The following STRN variants were observed in gnomAD, a reference collection of about 807,000 sequenced individuals.
The protein encoded by STRN is striatin.
In STRN, 53 loss-of-function variants were observed where a neutral mutation model predicts 96.3. The ratio of observed to expected loss-of-function variants is 0.55; its 90% CI spans 0.44 to 0.69. The LOEUF (loss-of-function observed/expected upper bound fraction) is 0.69, where lower values mean the gene tolerates loss of function less well. Ranked by LOEUF, STRN falls within the 30% of genes least tolerant of loss-of-function variation. The pLI is 0.00. For synonymous variants in STRN, 428 were observed against 355.9 expected (o/e 1.20, Z -2.28); for missense variants, 987 against 963.9 (o/e 1.02, Z -0.32).
chr2:36,905,563 T>C lies in STRN; in HGVS notation c.468A>G (p.Lys156=). Residue 156 remains lysine, a synonymous_variant, in exon 4 of 18, where the codon AAA becomes AAG. Transcript: ENST00000263918. Reference sequence around the variant, plus strand: ...ACTGTCTGAGTAGTTGTCGACCTTGTTTCCACATTAACTGGCTGTTTTGTT... The same window carrying C: ...ACTGTCTGAGTAGTTGTCGACCTTGCTTCCACATTAACTGGCTGTTTTGTT... ...QPQQNSQLMW[K]QGRQLLRQYL... 6.2e-7 allele frequency: 1 copy of C among 1,613,814 alleles called. No individual in the cohort carries two copies. Among genetic ancestry groups the C allele is most frequent in the African/African-American group, 1.3e-5 (1 of 75,052 alleles).
intron 13 of STRN, among the ~76,000 whole-genome samples, chr2:36,860,290 A>T (rs1668443065): frequency 6.6e-6 from 1 of 152,214 alleles, no homozygotes; most frequent in South Asian, 2.1e-4. Context: ...AGAATGAGGG[A>T]CAGTTGATCC....
chr2:36,864,204 T>C (rs561527299), intron 12 of STRN, among the ~76,000 whole-genome samples: 21 of 152,320 alleles, frequency 1.4e-4, no homozygotes, highest in African/African-American at 5.1e-4. Context: ...ATAGGAGTGG[T>C]GAGAGCAGGC....
chr2:36,947,084 G>C (rs1193303371), intron 1 of STRN, among the ~76,000 whole-genome samples: 2 of 152,016 alleles, frequency 1.3e-5, no homozygotes, highest in Admixed American at 6.5e-5. Context: ...TTTTAGTAGA[G>C]ACAGGGTTTT....
At chr2:36,882,235 G>C (rs772274027) in intron 9 of STRN, among the ~76,000 whole-genome samples, 1 of 151,670 alleles carries the variant, frequency 6.6e-6, no homozygotes, top group East Asian at 1.9e-4. Flanking sequence ...CTTTTTCTCA[G>C]GCTGTGTTGA....
At position 36,911,403 on chromosome 2, in the gene STRN, T is replaced by G. The variant is rs548189103; in HGVS notation, c.412+4675A>C. On this transcript the variant is annotated intron_variant, in intron 3 of 17. Transcript: ENST00000263918. ...AAATTTGCTAGTTCTTTAATTTAGC[T>G]GGGACCTCTAGCCAGGGGCCAGCAC... Among the ~76,000 whole-genome samples, 38 of 152,304 alleles carry G rather than the reference T, an allele frequency of 2.5e-4. No individual in the cohort carries two copies. The South Asian group carries it at 2.9e-3, about 12-fold the overall frequency.
intron 12 of STRN, among the ~76,000 whole-genome samples, chr2:36,861,462 C>G (rs780240667): frequency 1.8e-4 from 27 of 152,106 alleles, no homozygotes; most frequent in Non-Finnish European, 2.6e-4. Context: ...TCAAATCCAA[C>G]CACTGGTCTG....
chr2:36,872,278 C>T (rs6711983), intron 10 of STRN, among the ~76,000 whole-genome samples: 1 of 152,206 alleles, frequency 6.6e-6, no homozygotes, highest in African/African-American at 2.4e-5. Context: ...AGCCAGCTGC[C>T]ATGCTGAAAA....
At position 36,966,448 on chromosome 2, in the gene STRN, C is replaced by T; in HGVS notation, c.16G>A (p.Gly6Ser). 6.8e-7 allele frequency: 1 copy of T among 1,464,342 alleles called. No homozygotes were observed. The highest frequency in any genetic ancestry group is 1.5e-5 in the African/African-American group (1 of 68,112). 90.7% of individuals were successfully genotyped at this position (1,464,342 alleles called of 1,614,324 possible). The stretch of plus-strand genomic sequence containing the variant: ...TTGTTGCTGAAGAAGACGCCGGGAC[C>T]CGCCTGCTCGTCCATGGCGGCCGCA... MDEQA[G>S]PGVFFSNNHP... Residue 6 changes from glycine (G) to serine (S), a missense_variant, in exon 1 of 18, where the codon GGT (glycine) becomes AGT (serine). Gly to Ser is a moderately conservative substitution (Grantham distance 56). Transcript: ENST00000263918.
At chr2:36,947,481 A>T (rs923327033) in intron 1 of STRN, among the ~76,000 whole-genome samples, 34 of 150,914 alleles carry the variant, frequency 2.3e-4, no homozygotes, top group African/African-American at 7.8e-4. Context: ...TTAACCTACA[A>T]ATTCCTACCT....
intron 10 of STRN, among the ~76,000 whole-genome samples, chr2:36,875,147 T>C (rs1449978298): frequency 1.3e-5 from 2 of 152,116 alleles, no homozygotes; most frequent in East Asian, 1.9e-4. Context: ...CTCTCTAGGG[T>C]ACCCACTGAA....
intron 16 of STRN, among the ~76,000 whole-genome samples, chr2:36,850,199 A>C (rs1224512189): frequency 6.6e-6 from 1 of 152,244 alleles, no homozygotes; most frequent in Non-Finnish European, 1.5e-5. Context: ...GCAAGGAAAA[A>C]GGGACAGAAA....
At chr2:36,951,899 G>A (rs190844791) in intron 1 of STRN, among the ~76,000 whole-genome samples, 31 of 152,334 alleles carry the variant, frequency 2.0e-4, no homozygotes, top group East Asian at 3.9e-4. Context: ...GCTGAGCTCC[G>A]CTTCCTGTCA....
chr2:36,927,341 C>G (rs1670437432), intron 1 of STRN, among the ~76,000 whole-genome samples: 2 of 151,810 alleles, frequency 1.3e-5, no homozygotes, highest in African/African-American at 4.8e-5. Flanking sequence ...GACCACGTCC[C>G]CACAAAAAAT....
rs1019999664 is a variant in STRN at position 36,849,929 on chromosome 2, A to G, written c.2087-129T>C. On this transcript the variant is annotated intron_variant, in intron 16 of 17. Transcript: ENST00000263918. The stretch of plus-strand genomic sequence containing the variant: ...GCTTACTGTATTAATAGCTTTTTCC[A>G]TCACCTAAAACAACATGTCTCCCTC... 163 of 851,202 alleles carry G rather than the reference A, an allele frequency of 1.9e-4. 1 individual carries two copies. The highest frequency in any genetic ancestry group is 7.8e-4 in the Middle Eastern group (3 of 3,844). The allele number at this position is 851,202 out of a possible 1,614,324, so 52.7% of individuals were successfully genotyped here.
At chr2:36,958,045 G>C (rs1409909424) in intron 1 of STRN, among the ~76,000 whole-genome samples, 1 of 151,020 alleles carries the variant, frequency 6.6e-6, no homozygotes, top group Non-Finnish European at 1.5e-5. Context: ...TCAGCCTCCT[G>C]AGAAACTGGG....
At chr2:36,908,385 C>A (rs115810500) in intron 3 of STRN, among the ~76,000 whole-genome samples, 1 of 152,174 alleles carries the variant, frequency 6.6e-6, no homozygotes, top group African/African-American at 2.4e-5. Context: ...TACAAACATA[C>A]ATAAATCTCA....
Position 36,846,029 on chromosome 2 carries a change from A to AATT in STRN, c.*3426_*3427insAAT, listed in dbSNP as rs1553390216. On this transcript the variant is annotated 3_prime_UTR_variant, in exon 18 of 18. Coordinates refer to ENST00000263918, the MANE Select transcript of STRN (RefSeq NM_003162.4). ...ATCTTCATCCTCACTGTAAGGCTGC[A>AATT]TTTTTTTTTTTAAAGGCACCTCTCA... 1.7e-5 allele frequency: 2 copies of AATT among 120,648 alleles called. No homozygotes were observed. Among genetic ancestry groups the AATT allele is most frequent in the African/African-American group, 6.5e-5 (2 of 30,654 alleles). 7.5% of individuals were successfully genotyped at this position (120,648 alleles called of 1,614,324 possible). A position where few individuals can be genotyped will look rare whatever the true frequency, so the allele number is the denominator to read the frequency against.
chr2:36,947,869 A>G (rs895608699), intron 1 of STRN, among the ~76,000 whole-genome samples: 1 of 151,642 alleles, frequency 6.6e-6, no homozygotes, highest in African/African-American at 2.4e-5. Flanking sequence ...TTTTTCAAAT[A>G]TTTCTATTTA....
In STRN at chr2:36,857,845, A is replaced by C. The variant is rs760121276; in HGVS notation, c.1837+11T>G. 33 of 1,596,174 alleles carry C rather than the reference A, an allele frequency of 2.1e-5. No individual in the cohort carries two copies. Among genetic ancestry groups the C allele is most frequent in the Non-Finnish European group, 2.7e-5 (31 of 1,168,056 alleles). On this transcript the variant is annotated intron_variant, in intron 14 of 17. Coordinates refer to ENST00000263918, the MANE Select transcript of STRN (RefSeq NM_003162.4). ...AGAGGATTCAGCAAAATAATTTTTT[A>C]AAGTATGTACCTTTAGTATCATTAA...
Sources: gnomAD v4.1 joint callset for allele counts (sites outside exome capture counted in the v4.1 genomes callset) on GRCh38, gnomAD v4.1.1 for gene constraint, MANE v1.5 for transcripts, NCBI Gene and HGNC (gene_info 2026-07-23, HGNC 2026-07-21) for gene names.